The following RNF157 variants were observed in gnomAD, a reference collection of about 807,000 sequenced individuals.
RNF157 encodes E3 ubiquitin ligase RNF157.
In RNF157, 55 loss-of-function variants were observed where a neutral mutation model predicts 88.3. That is an observed-to-expected ratio of 0.62 (90% CI 0.50 to 0.78). RNF157 has a LOEUF of 0.78. Ranked by LOEUF, RNF157 falls within the 30% of genes least tolerant of loss-of-function variation. RNF157 has a pLI of 0.00. For synonymous variants in RNF157, 334 were observed against 341.2 expected (o/e 0.98, Z 0.23); for missense variants, 788 against 860.8 (o/e 0.92, Z 1.06).
Position 76,235,592 on chromosome 17 carries a change from A to T in RNF157, c.88+4561T>A, listed in dbSNP as rs547110333. Among the ~76,000 whole-genome samples the T allele has an allele frequency of 2.0e-5, 3 of 152,360 alleles. No homozygotes were observed. The East Asian group carries it at 5.8e-4, about 29-fold the overall frequency. On this transcript the variant is annotated intron_variant, in intron 1 of 18. Coordinates refer to ENST00000269391, the MANE Select transcript of RNF157 (RefSeq NM_052916.3). Reference sequence around the variant, plus strand: ...AACTTACATTAAAACTTTTATAGTTATTCGACAAAGACTTATTATCCATGC... The same window carrying T: ...AACTTACATTAAAACTTTTATAGTTTTTCGACAAAGACTTATTATCCATGC...
intron 2 of RNF157, among the ~76,000 whole-genome samples, chr17:76,179,161 A>G (rs2069150661): frequency 6.6e-6 from 1 of 152,208 alleles, no homozygotes; most frequent in Non-Finnish European, 1.5e-5. Flanking sequence ...TGGGAGGCTG[A>G]GGCAGAAAGA....
rs777436266 is a variant in RNF157, at chr17:76,164,801, A to G, written c.673-6T>C. On this transcript the variant is annotated splice_region_variant and splice_polypyrimidine_tract_variant and intron_variant, in intron 7 of 18. Transcript: ENST00000269391. The stretch of plus-strand genomic sequence containing the variant: ...CAGAAAGTTCCATCTGTGTGCTGGA[A>G]TGAAAATATGAAAGTTATGACAAGG... 4.4e-6 allele frequency: 7 copies of G among 1,607,318 alleles called. No individual in the cohort carries two copies. The South Asian group carries it at 7.7e-5, about 18-fold the overall frequency.
rs146854851 is a variant in RNF157 at position 76,186,399 on chromosome 17, C to T, written c.208-12609G>A. Among the ~76,000 whole-genome samples the T allele has an allele frequency of 4.8e-3, 736 of 151,914 alleles. 6 individuals carry two copies. The highest frequency in any genetic ancestry group is 0.021 in the Middle Eastern group (6 of 290). Reference sequence around the variant, plus strand: ...GCGGGTGCCTGTAATCCCAGCTACTCAGGAGGCTGAGGCAGGAGAAACACT... The same window carrying T: ...GCGGGTGCCTGTAATCCCAGCTACTTAGGAGGCTGAGGCAGGAGAAACACT... On this transcript the variant is annotated intron_variant, in intron 2 of 18. Transcript: ENST00000269391.
At chr17:76,185,403 A>G (rs1380096372) in intron 2 of RNF157, among the ~76,000 whole-genome samples, 2 of 152,180 alleles carry the variant, frequency 1.3e-5, no homozygotes, top group African/African-American at 2.4e-5. Flanking sequence ...GCTCTTAATA[A>G]AGCAGACACA....
chr17:76,167,698 G>C lies in RNF157; in HGVS notation c.396C>G (p.Ile132Met). The C allele has an allele frequency of 6.2e-7, 1 of 1,614,200 alleles. No individual in the cohort carries two copies. Residue 132 changes from isoleucine to methionine, a missense_variant, in exon 4 of 19, where the codon ATC becomes ATG. Transcript: ENST00000269391. ...FTFDTDARVA[I>M]TIYYQATEEF... The stretch of plus-strand genomic sequence containing the variant: ...CTTCCGTGGCCTGGTAATAGATGGT[G>C]ATGGCTACCCGAGCATCTGTGTCAA...
At position 76,161,759 on chromosome 17, in the gene RNF157, G is replaced by T; in HGVS notation, c.952+84C>A. On this transcript the variant is annotated intron_variant, in intron 10 of 18. Coordinates refer to ENST00000269391, the MANE Select transcript of RNF157 (RefSeq NM_052916.3). The surrounding 1 kb of genome is among the most constrained non-coding windows in gnomAD (Gnocchi z 4.6). ...AGCGCGCATCCGTTTGTCAGATCCA[G>T]CAGCAGCACATGCTTCAGTGTTTTG... is the stretch of plus-strand genomic sequence containing the variant. 6.4e-7 allele frequency: 1 copy of T among 1,550,466 alleles called. No individual in the cohort carries two copies. The highest frequency in any genetic ancestry group is 8.8e-7 in the Non-Finnish European group (1 of 1,132,370).
intron 18 of RNF157, chr17:76,147,226 A>C (rs2068598672): frequency 1.0e-6 from 1 of 984,746 alleles, no homozygotes; most frequent in Non-Finnish European, 1.2e-6. Context: ...CCCAAAATAA[A>C]ATGAGCTGTT....
intron 2 of RNF157, among the ~76,000 whole-genome samples, chr17:76,194,819 T>A (rs531564392): frequency 1.3e-5 from 2 of 151,954 alleles, no homozygotes; most frequent in Non-Finnish European, 2.9e-5. Context: ...ATCGAGACCA[T>A]CCTGGCTAAC....
At chr17:76,226,792 G>A (rs1598444484) in intron 1 of RNF157, 3 of 1,558,154 alleles carry the variant, frequency 1.9e-6, no homozygotes, top group Non-Finnish European at 2.6e-6. Context: ...TGCTCAGGAA[G>A]CTCATTTCGG....
intron 2 of RNF157, among the ~76,000 whole-genome samples, chr17:76,210,462 T>A (rs373353975): frequency 1.3e-5 from 2 of 148,966 alleles, no homozygotes; most frequent in South Asian, 2.1e-4. Context: ...TAGTGGCGGG[T>A]GCCTGTAGTC....
intron 2 of RNF157, among the ~76,000 whole-genome samples, chr17:76,199,484 G>T (rs1466621798): frequency 1.3e-5 from 2 of 151,076 alleles, no homozygotes; most frequent in Non-Finnish European, 2.9e-5. Flanking sequence ...GAACTCCTGG[G>T]CTCAAGTGAT....
chr17:76,223,546 AAAAG>A (rs1213849200), intron 1 of RNF157, among the ~76,000 whole-genome samples: 2 of 152,204 alleles, frequency 1.3e-5, no homozygotes, highest in Non-Finnish European at 2.9e-5. Flanking sequence ...GTAATAGGAA[AAAAG>A]AAAGAGGGAT....
intron 16 of RNF157, among the ~76,000 whole-genome samples, 176 bp downstream of exon 16, chr17:76,155,076 C>T (rs139733689): frequency 4.1e-4 from 63 of 152,364 alleles, no homozygotes; most frequent in African/African-American, 1.4e-3. Flanking sequence ...TCCACAGGCC[C>T]GGGAGCAGCT....
chr17:76,190,233 T>C (rs2069362215), intron 2 of RNF157, among the ~76,000 whole-genome samples: 1 of 151,534 alleles, frequency 6.6e-6, no homozygotes, highest in Non-Finnish European at 1.5e-5. Flanking sequence ...GTGGCACAAT[T>C]TCGCCTCACT....
Position 76,155,272 on chromosome 17 carries a change from C to G in RNF157, c.1744G>C (p.Ala582Pro), listed in dbSNP as rs189559133. 1 of 1,614,250 alleles carries G rather than the reference C, an allele frequency of 6.2e-7. No homozygotes were observed. Among genetic ancestry groups the G allele is most frequent in the Non-Finnish European group, 8.5e-7 (1 of 1,180,028 alleles). ...GTTACCTCTGCATCCTGCTCTCCAG[C>G]TGGGAGGCCAGCAAAGTTGCTGTCT... ...SPDSNFAGLPAGEQDAEGNDV... is the reference protein window; with the variant it reads ...SPDSNFAGLPPGEQDAEGNDV... Residue 582 changes from alanine (A) to proline (P), a missense_variant, in exon 16 of 19, where the codon GCT becomes CCT. Transcript: ENST00000269391.
intron 2 of RNF157, among the ~76,000 whole-genome samples, chr17:76,196,222 C>T (rs1369683511): frequency 6.6e-6 from 1 of 152,298 alleles, no homozygotes; most frequent in African/African-American, 2.4e-5. Context: ...CTGGGCTAAG[C>T]TACCATGAGA....
At chr17:76,203,505 T>C (rs2069622968) in intron 2 of RNF157, among the ~76,000 whole-genome samples, 1 of 149,182 alleles carries the variant, frequency 6.7e-6, no homozygotes, top group Non-Finnish European at 1.5e-5. Flanking sequence ...CAGGCTGGAG[T>C]GCAATGGCGC....
intron 1 of RNF157, among the ~76,000 whole-genome samples, 160 bp from the exon 2 acceptor site, chr17:76,212,642 G>T (rs2069822128): frequency 6.6e-6 from 1 of 151,984 alleles, no homozygotes; most frequent in Non-Finnish European, 1.5e-5. Flanking sequence ...CAGACAGATC[G>T]CCTGAGATAA....
chr17:76,165,681 T>A, intron 6 of RNF157, 136 bp from the exon 7 acceptor site: 2 of 846,150 alleles, frequency 2.4e-6, no homozygotes, highest in Non-Finnish European at 1.9e-6. Context: ...ATATAACCCA[T>A]ACTTTTTTTT....
Sources: allele counts gnomAD v4.1 joint callset (sites outside exome capture counted in the v4.1 genomes callset), GRCh38; gene constraint gnomAD v4.1.1; non-coding constraint Gnocchi (gnomAD v3.1); transcripts MANE v1.5; gene names NCBI Gene and HGNC (gene_info 2026-07-23, HGNC 2026-07-21).